The following CIDEA variants were observed in gnomAD, a reference collection of about 807,000 sequenced individuals.
The protein encoded by CIDEA is lipid transferase CIDEA.
In CIDEA, 10 loss-of-function variants were observed where a neutral mutation model predicts 18.2. The observed-to-expected ratio is 0.55, with a 90% confidence interval of 0.34 to 0.93. The LOEUF (loss-of-function observed/expected upper bound fraction) is 0.93. CIDEA is among the 40% of genes least tolerant of loss of function. The pLI is 0.02. For missense variants in CIDEA, 309 were observed against 293.1 expected (o/e 1.05, Z -0.40); for synonymous variants, 128 against 124.8 (o/e 1.03, Z -0.17).
chr18:12,273,142 A>T (rs1912598384), intron 3 of CIDEA, among the ~76,000 whole-genome samples: 1 of 152,192 alleles, frequency 6.6e-6, no homozygotes, highest in African/African-American at 2.4e-5. Flanking sequence ...GTATGGTGGG[A>T]CAGGGGAATA....
intron 2 of CIDEA, chr18:12,263,494 T>C (rs8092683): frequency 0.018 from 2,689 of 152,744 alleles, 88 homozygotes; most frequent in African/African-American, 0.062. Flanking sequence ...TAGGTATAAA[T>C]GATCAAGGGG....
chr18:12,266,069 A>T (rs1316163402), intron 3 of CIDEA, among the ~76,000 whole-genome samples: 1 of 152,172 alleles, frequency 6.6e-6, no homozygotes, highest in African/African-American at 2.4e-5. Context: ...ACCAAAAAAA[A>T]TTTTTTTAAG....
intron 1 of CIDEA, among the ~76,000 whole-genome samples, chr18:12,257,569 G>A (rs1423065205): frequency 6.6e-6 from 1 of 152,142 alleles, no homozygotes; most frequent in Non-Finnish European, 1.5e-5. Flanking sequence ...CCTCCCTCGG[G>A]GCAGAATACA....
intron 3 of CIDEA, among the ~76,000 whole-genome samples, chr18:12,265,804 A>C (rs991933391): frequency 6.6e-6 from 1 of 152,168 alleles, no homozygotes; most frequent in Non-Finnish European, 1.5e-5. Flanking sequence ...ATCAAAACAC[A>C]GAACGTAAGG....
intron 1 of CIDEA, among the ~76,000 whole-genome samples, chr18:12,261,927 G>A (rs1000045030): frequency 1.3e-5 from 2 of 151,822 alleles, no homozygotes; most frequent in African/African-American, 4.8e-5. Context: ...CATCTGGGAG[G>A]CTGAGGCAGG....
intron 3 of CIDEA, among the ~76,000 whole-genome samples, chr18:12,270,588 T>C (rs1032120249): frequency 2.0e-5 from 3 of 148,696 alleles, no homozygotes; most frequent in African/African-American, 7.5e-5. Flanking sequence ...ACTTGGGAGG[T>C]TGAGGCAGAT....
At chr18:12,270,688 C>CAAAAAAAAAAAAAAAAAAAAAAAAAAAA (rs68102741) in intron 3 of CIDEA, among the ~76,000 whole-genome samples, 2 of 72,828 alleles carry the variant, frequency 2.7e-5, no homozygotes, top group African/African-American at 1.7e-4. Flanking sequence ...CTCCGTCTCA[C>CAAAAAAAAAAAAAAAAAAAAAAAAAAAA]AAAAAAAAAA....
At chr18:12,256,000 T>C (rs1487694913) in intron 1 of CIDEA, among the ~76,000 whole-genome samples, 2 of 152,186 alleles carry the variant, frequency 1.3e-5, no homozygotes, top group Admixed American at 6.5e-5. Flanking sequence ...ATCTACCTGC[T>C]TCCAGGCTGA....
intron 2 of CIDEA, among the ~76,000 whole-genome samples, chr18:12,263,219 T>C (rs1055108291): frequency 6.6e-6 from 1 of 152,190 alleles, no homozygotes; most frequent in East Asian, 1.9e-4. Context: ...GCTTAAGTGA[T>C]CCTCCCACCT....
chr18:12,254,651 C>A (rs1257452706), intron 1 of CIDEA: 1 of 1,528,580 alleles, frequency 6.5e-7, no homozygotes, highest in Admixed American at 2.0e-5. Context: ...CGCCTCCTCA[C>A]CCTCTTGCAG....
At chr18:12,272,174 T>TGGGGGGG (rs1912566453) in intron 3 of CIDEA, among the ~76,000 whole-genome samples, 4 of 4,138 alleles carry the variant, frequency 9.7e-4, no homozygotes, top group Non-Finnish European at 2.0e-3. Flanking sequence ...GGGGGGGGGT[T>TGGGGGGG]GTTGTTGTTG....
chr18:12,263,090 T>G (rs370017607), intron 2 of CIDEA, 121 bp downstream of exon 2: 1 of 998,162 alleles, frequency 1.0e-6, no homozygotes, highest in Non-Finnish European at 1.4e-6. Flanking sequence ...AGCATCTCAC[T>G]GGGGGGAAAC....
At chr18:12,273,659 G>A (rs1222827095) in intron 3 of CIDEA, among the ~76,000 whole-genome samples, 1 of 152,174 alleles carries the variant, frequency 6.6e-6, no homozygotes, top group Non-Finnish European at 1.5e-5. Flanking sequence ...TTTCCACCCA[G>A]TAGCCCCCAT....
intron 1 of CIDEA, among the ~76,000 whole-genome samples, chr18:12,259,150 C>T (rs1230321324): frequency 1.3e-5 from 2 of 152,162 alleles, no homozygotes; most frequent in Non-Finnish European, 2.9e-5. Context: ...TAGGTGGGTC[C>T]CTGGCAAACG....
At chr18:12,271,717 C>G (rs1296590451) in intron 3 of CIDEA, among the ~76,000 whole-genome samples, 1 of 152,160 alleles carries the variant, frequency 6.6e-6, no homozygotes, top group African/African-American at 2.4e-5. Flanking sequence ...GGGCTCGCGG[C>G]CCCCGTTTCG....
intron 3 of CIDEA, among the ~76,000 whole-genome samples, chr18:12,268,229 C>CTTTTTTTTTTTT (rs1491473988): frequency 4.1e-5 from 3 of 73,004 alleles, no homozygotes; most frequent in Non-Finnish European, 5.2e-5. Flanking sequence ...CATGCCCGGC[C>CTTTTTTTTTTTT]ATTTTTTTTT....
intron 3 of CIDEA, among the ~76,000 whole-genome samples, chr18:12,269,300 A>G (rs1014806517): frequency 1.1e-3 from 169 of 152,366 alleles, no homozygotes; most frequent in African/African-American, 4.0e-3. Context: ...AGTATGAAGA[A>G]AATCCATCCT....
chr18:12,273,200 T>G (rs1912600176), intron 3 of CIDEA, among the ~76,000 whole-genome samples: 1 of 152,100 alleles, frequency 6.6e-6, no homozygotes, highest in East Asian at 1.9e-4. Context: ...TTAGGGGTAT[T>G]TACATTTTAA....
chr18:12,259,838 G>T (rs887714942), intron 1 of CIDEA, among the ~76,000 whole-genome samples: 1 of 152,188 alleles, frequency 6.6e-6, no homozygotes, highest in Non-Finnish European at 1.5e-5. Context: ...TCCAGCCTGG[G>T]CAACAGAGCG....
Sources: allele counts gnomAD v4.1 joint callset (sites outside exome capture counted in the v4.1 genomes callset), GRCh38; gene constraint gnomAD v4.1.1; transcripts MANE v1.5; gene names NCBI Gene and HGNC (gene_info 2026-07-23, HGNC 2026-07-21).